The following RBM46 variants were observed in gnomAD, a reference collection of about 807,000 sequenced individuals.
RBM46 encodes RNA binding motif protein 46, also known as probable RNA-binding protein 46.
RBM46 carries 12 observed loss-of-function variants against 43.3 expected under a neutral mutation model. The observed-to-expected ratio is 0.28, with a 90% confidence interval of 0.18 to 0.45. The LOEUF is 0.45. RBM46 is among the 20% of genes least tolerant of loss of function. The pLI is 1.00. For synonymous variants in RBM46, 205 were observed against 207.6 expected, an observed-to-expected ratio of 0.99 and a Z score of 0.11; for missense variants, 412 against 639.1, an observed-to-expected ratio of 0.64 and a Z score of 3.83.
chr4:154,822,640 A>G (rs1350454948), intron 4 of RBM46, among the ~76,000 whole-genome samples: 1 of 149,408 alleles, frequency 6.7e-6, no homozygotes, highest in Non-Finnish European at 1.5e-5. Context: ...ATAGTTAGTT[A>G]TGGTTATTGA....
At chr4:154,816,435 A>G (rs1164549066) in intron 4 of RBM46, among the ~76,000 whole-genome samples, 1 of 152,074 alleles carries the variant, frequency 6.6e-6, no homozygotes, top group Admixed American at 6.5e-5. Context: ...TTACTGTTTA[A>G]ATATCTTCTA....
intron 4 of RBM46, among the ~76,000 whole-genome samples, chr4:154,802,099 A>G (rs948444131): frequency 6.6e-6 from 1 of 152,254 alleles, no homozygotes; most frequent in Non-Finnish European, 1.5e-5. Context: ...AAGATTAAAC[A>G]AAACCCTAGG....
intron 4 of RBM46, chr4:154,827,409 G>A: frequency 1.0e-6 from 1 of 987,648 alleles, no homozygotes; most frequent in Non-Finnish European, 1.2e-6. Context: ...TATACCAAAT[G>A]TTTTTGCAGT....
intron 4 of RBM46, among the ~76,000 whole-genome samples, chr4:154,814,043 T>G (rs1486241530): frequency 6.6e-6 from 1 of 152,068 alleles, no homozygotes; most frequent in Non-Finnish European, 1.5e-5. Flanking sequence ...GTAGAACAAG[T>G]CATCTATCTA....
At chr4:154,782,171 G>A (rs959993531) in intron 1 of RBM46, among the ~76,000 whole-genome samples, 3 of 152,176 alleles carry the variant, frequency 2.0e-5, no homozygotes, top group East Asian at 3.9e-4. Context: ...ACACGTCGTG[G>A]CACCGCCTTT....
At chr4:154,807,256 A>G (rs911314759) in intron 4 of RBM46, among the ~76,000 whole-genome samples, 1 of 151,722 alleles carries the variant, frequency 6.6e-6, no homozygotes, top group Non-Finnish European at 1.5e-5. Context: ...TTGCCACATG[A>G]TGTCCCTAAA....
At chr4:154,827,758 G>T in intron 4 of RBM46, 110 bp from the exon 5 acceptor site, 1 of 1,553,246 alleles carries the variant, frequency 6.4e-7, no homozygotes, top group Non-Finnish European at 8.7e-7. Flanking sequence ...AAGATTTCCA[G>T]TGTTAGAACA....
At chr4:154,819,048 G>A (rs1375291543) in intron 4 of RBM46, among the ~76,000 whole-genome samples, 1 of 152,102 alleles carries the variant, frequency 6.6e-6, no homozygotes, top group Non-Finnish European at 1.5e-5. Context: ...TGCTGTTTCT[G>A]TTGGTTTTAG....
intron 4 of RBM46, among the ~76,000 whole-genome samples, chr4:154,814,816 A>C (rs918112652): frequency 1.3e-5 from 2 of 151,542 alleles, no homozygotes; most frequent in Admixed American, 1.3e-4. Context: ...TATATATATC[A>C]CTGGCAGGTT....
At chr4:154,788,265 C>T (rs562224885) in intron 1 of RBM46, among the ~76,000 whole-genome samples, 1 of 152,276 alleles carries the variant, frequency 6.6e-6, no homozygotes, top group Admixed American at 6.5e-5. Context: ...CTTGCCCATG[C>T]CTGTGTCCTC....
chr4:154,825,903 T>A (rs2111224805), intron 4 of RBM46, among the ~76,000 whole-genome samples: 1 of 152,334 alleles, frequency 6.6e-6, no homozygotes, highest in African/African-American at 2.4e-5. Context: ...CTTTGAAAAC[T>A]ACATTTCCCT....
chr4:154,821,115 CACTT>C (rs1047174956), intron 4 of RBM46, among the ~76,000 whole-genome samples: 1 of 151,670 alleles, frequency 6.6e-6, no homozygotes, highest in Non-Finnish European at 1.5e-5. Context: ...TTATTTTTAT[CACTT>C]AATAATATTG....
intron 4 of RBM46, among the ~76,000 whole-genome samples, 191 bp downstream of exon 4, chr4:154,799,755 CTTTTTTTTT>C (rs35629123): frequency 8.7e-6 from 1 of 114,652 alleles, no homozygotes; most frequent in South Asian, 2.9e-4. Flanking sequence ...TTTAGCTTTT[CTTTTTTTTT>C]TTTTTTTTTT....
chr4:154,819,913 A>G (rs552243122), intron 4 of RBM46, among the ~76,000 whole-genome samples: 31 of 152,208 alleles, frequency 2.0e-4, no homozygotes, highest in South Asian at 8.3e-4. Context: ...TTGGCCATCT[A>G]TCTTTTTTAA....
intron 1 of RBM46, among the ~76,000 whole-genome samples, chr4:154,788,277 A>G (rs1733887248): frequency 1.3e-5 from 2 of 152,146 alleles, no homozygotes; most frequent in Non-Finnish European, 2.9e-5. Flanking sequence ...TGTGTCCTCA[A>G]TGGTATTGCC....
Position 154,799,153 on chromosome 4 carries a change from A to T in RBM46, c.991A>T (p.Ile331Phe). 6.2e-7 allele frequency: 1 copy of T among 1,614,166 alleles called. No individual in the cohort carries two copies. The highest frequency in any genetic ancestry group is 8.5e-7 in the Non-Finnish European group (1 of 1,180,032). The change falls in exon 4 of 5, where the codon ATT (isoleucine) becomes TTT (phenylalanine). Residue 331 changes from isoleucine to phenylalanine, a missense_variant. By Grantham distance (21) the Ile-to-Phe change is conservative. This residue lies in a region of RBM46 where 105 missense variants were observed against 111.0 expected (regional missense o/e 0.95). Transcript: ENST00000281722. ...GATTAGTCCAAATTCTGAAAATCTGATTGTGTTTGCTAACAAAGAAGAGAG... is the reference window on the plus strand; with the variant it reads ...GATTAGTCCAAATTCTGAAAATCTGTTTGTGTTTGCTAACAAAGAAGAGAG... ...GQISPNSENL[I>F]VFANKEESHP...
At position 154,799,068 on chromosome 4, in the gene RBM46, G is replaced by A. The variant is rs182864952; in HGVS notation, c.906G>A (p.Glu302=). 15 of 1,613,990 alleles carry A rather than the reference G, an allele frequency of 9.3e-6. No homozygotes were observed. The East Asian group carries it at 3.1e-4, about 34-fold the overall frequency. The part of the protein sequence containing the change: ...NGKCIDGASI[E]VTLAKPVNKE... The stretch of plus-strand genomic sequence containing the variant: ...AATGCATTGATGGAGCAAGTATTGA[G>A]GTAACACTAGCTAAACCAGTAAATA... The change falls in exon 4 of 5, where the codon GAG becomes GAA. Residue 302 remains glutamate (E), a synonymous_variant. Coordinates refer to ENST00000281722, the MANE Select transcript of RBM46 (RefSeq NM_144979.5).
intron 4 of RBM46, among the ~76,000 whole-genome samples, chr4:154,799,984 G>T (rs897065093): frequency 7.9e-5 from 12 of 151,970 alleles, no homozygotes; most frequent in Admixed American, 7.9e-4. Context: ...TGTTAGCTAG[G>T]ATGGTCTCGA....
intron 1 of RBM46, among the ~76,000 whole-genome samples, chr4:154,786,706 A>T (rs1578887774): frequency 6.6e-6 from 1 of 152,046 alleles, no homozygotes; most frequent in African/African-American, 2.4e-5. Context: ...AGGCGGGTGG[A>T]TCACGAGGTC....
Sources: allele counts gnomAD v4.1 joint callset (sites outside exome capture counted in the v4.1 genomes callset), GRCh38; gene constraint gnomAD v4.1.1; regional missense constraint gnomAD v4.1.1; transcripts MANE v1.5; gene names NCBI Gene and HGNC (gene_info 2026-07-23, HGNC 2026-07-21).